Variants in CDC42EP5 observed in about 807,000 individuals in gnomAD.
The protein encoded by CDC42EP5 is CDC42 effector protein 5.
For synonymous variants in CDC42EP5, 118 were observed against 123.3 expected (o/e 0.96, Z 0.28); for missense variants, 269 against 238.0 (o/e 1.13, Z -0.86).
Position 54,465,231 on chromosome 19 carries a change from A to T in CDC42EP5, c.317T>A (p.Val106Asp), listed in dbSNP as rs1248868309. The T allele has an allele frequency of 2.1e-6, 3 of 1,434,000 alleles. No individual in the cohort carries two copies. The African/African-American group carries it at 4.5e-5, about 21-fold the overall frequency. The allele number at this position is 1,434,000 out of a possible 1,614,324, so 88.8% of individuals were successfully genotyped here. The change falls in exon 3 of 3, where the codon GTC becomes GAC. Residue 106 changes from valine to aspartate, a missense_variant. Val to Asp is a radical substitution (Grantham distance 152). Coordinates refer to ENST00000301200, the MANE Select transcript of CDC42EP5 (RefSeq NM_145057.4). ...GPSMLDAVLG[V>D]MDAARPEAAA... The stretch of plus-strand genomic sequence containing the variant: ...CGCCTCCGGGCGCGCCGCGTCCATG[A>T]CGCCCAGCACCGCGTCCAGCATGGA...
chr19:54,469,663 T>C (rs956587313), intron 2 of CDC42EP5, among the ~76,000 whole-genome samples: 1 of 152,244 alleles, frequency 6.6e-6, no homozygotes, highest in Non-Finnish European at 1.5e-5. Context: ...GCACAGGGAA[T>C]GTTCAATTAA....
At chr19:54,469,326 T>G (rs988802581) in intron 2 of CDC42EP5, among the ~76,000 whole-genome samples, 3 of 152,078 alleles carry the variant, frequency 2.0e-5, no homozygotes, top group African/African-American at 7.2e-5. Flanking sequence ...TAATCTATTT[T>G]ATTTTTAAAT....
rs1400923975 is a variant in CDC42EP5 at position 54,471,564 on chromosome 19, G to C, written c.-20C>G. 1 of 152,044 alleles carries C rather than the reference G, an allele frequency of 6.6e-6. No homozygotes were observed. The highest frequency in any genetic ancestry group is 2.4e-5 in the African/African-American group (1 of 41,390). The allele number at this position is 152,044 out of a possible 1,614,324, so 9.4% of individuals were successfully genotyped here. On this transcript the variant is annotated 5_prime_UTR_variant, in exon 2 of 3. Transcript: ENST00000301200. Reference sequence around the variant, plus strand: ...CCTTACCTCGCGGTCCTCCCAGAGCGGGGCGGGCGCGCGCTCACGACTCCA... The same window carrying C: ...CCTTACCTCGCGGTCCTCCCAGAGCCGGGCGGGCGCGCGCTCACGACTCCA...
rs753994637 is a variant in CDC42EP5, at chr19:54,468,920, C to CTTCCTTCCTTCTTTCTTTCTTTCT, written c.-1+2624_-1+2625insAGAAAGAAAGAAAGAAGGAAGGAA. The stretch of plus-strand genomic sequence containing the variant: ...CCTTCCTTCCTTCCTTCCTTCCTTC[C>CTTCCTTCCTTCTTTCTTTCTTTCT]TTCTTTCTTTCTTTTCTTCCCTCCC... On this transcript the variant is annotated intron_variant, in intron 2 of 2. Transcript: ENST00000301200. Among the ~76,000 whole-genome samples the CTTCCTTCCTTCTTTCTTTCTTTCT allele has an allele frequency of 4.9e-3, 613 of 123,942 alleles. 14 individuals carry two copies. The highest frequency in any genetic ancestry group is 0.015 in the Middle Eastern group (4 of 260). 81.3% of individuals were successfully genotyped at this position (123,942 alleles called of 152,430 possible). A position where few individuals can be genotyped will look rare whatever the true frequency, so the allele number is the denominator to read the frequency against.
chr19:54,468,247 G>A (rs752790385), intron 2 of CDC42EP5, among the ~76,000 whole-genome samples: 11 of 152,084 alleles, frequency 7.2e-5, no homozygotes, highest in Non-Finnish European at 1.2e-4. Flanking sequence ...TGTTTTCACC[G>A]TAACAGGCAC....
intron 2 of CDC42EP5, among the ~76,000 whole-genome samples, chr19:54,466,954 C>T (rs1200364076): frequency 4.2e-5 from 5 of 119,518 alleles, no homozygotes; most frequent in Admixed American, 9.2e-5. Context: ...TTTTTTGAGA[C>T]GCTAATTTTT....
chr19:54,465,574 CG>C, intron 2 of CDC42EP5, 27 bp from the exon 3 acceptor site: 1 of 1,446,076 alleles, frequency 6.9e-7, no homozygotes, highest in Non-Finnish European at 9.0e-7. Context: ...AGGGTCAGCG[CG>C]GCCCCAGCCC....
At chr19:54,469,814 ACT>A (rs1425403935) in intron 2 of CDC42EP5, among the ~76,000 whole-genome samples, 1 of 150,704 alleles carries the variant, frequency 6.6e-6, no homozygotes, top group East Asian at 2.0e-4. Context: ...GGCTGCCTCC[ACT>A]CTCTGCTGCC....
At chr19:54,472,756 G>T (rs2084862835) in intron 1 of CDC42EP5, among the ~76,000 whole-genome samples, 1 of 64,780 alleles carries the variant, frequency 1.5e-5, no homozygotes, top group East Asian at 5.4e-4. Flanking sequence ...CTCAGACCCA[G>T]GAGTCCAGAC....
At chr19:54,465,583 C>G in intron 2 of CDC42EP5, 36 bp from the exon 3 acceptor site, 1 of 1,422,608 alleles carries the variant, frequency 7.0e-7, no homozygotes. Context: ...GCGGCCCCAG[C>G]CCGGGGCTCG....
In CDC42EP5 at chr19:54,465,147, C is replaced by T. The variant is rs1569321506; in HGVS notation, c.401G>A (p.Cys134Tyr). The T allele has an allele frequency of 1.4e-6, 2 of 1,398,492 alleles. No individual in the cohort carries two copies. Among genetic ancestry groups the T allele is most frequent in the Non-Finnish European group, 1.8e-6 (2 of 1,084,050 alleles). 86.6% of individuals were successfully genotyped at this position (1,398,492 alleles called of 1,614,324 possible). A position where few individuals can be genotyped will look rare whatever the true frequency, so the allele number is the denominator to read the frequency against. Residue 134 changes from cysteine (C) to tyrosine (Y), a missense_variant, in exon 3 of 3, where the codon TGC becomes TAC. Cys to Tyr is a radical substitution (Grantham distance 194, BLOSUM62 -2). Transcript: ENST00000301200. Reference sequence around the variant, plus strand: ...CAGCTCGAGGTCCGCGTTGGGGCGGCAGCGGGCCTGGGGGGGCTGCGTCCC... The same window carrying T: ...CAGCTCGAGGTCCGCGTTGGGGCGGTAGCGGGCCTGGGGGGGCTGCGTCCC... ...RPGTQPPQAR[C>Y]RPNADLELND...
intron 2 of CDC42EP5, among the ~76,000 whole-genome samples, chr19:54,466,067 A>G (rs1015095323): frequency 4.6e-5 from 7 of 152,202 alleles, no homozygotes; most frequent in African/African-American, 1.7e-4. Flanking sequence ...CTGAGAGCGA[A>G]TACTTGAGCC....
At chr19:54,472,490 C>T (rs1335155753) in intron 1 of CDC42EP5, among the ~76,000 whole-genome samples, 4 of 86,538 alleles carry the variant, frequency 4.6e-5, no homozygotes, top group Non-Finnish European at 6.9e-5. Context: ...TCCCTCAGAC[C>T]CAGGAGTCCA....
rs750204751 is a variant in CDC42EP5, at chr19:54,465,443, G to A, written c.105C>T (p.His35=). ...APLGDFRHTL[H]VGRGGDAFGD... Reference sequence around the variant, plus strand: ...CGAAGGCGTCGCCGCCGCGCCCCACGTGCAGCGTGTGCCGGAAGTCGCCGA... The same window carrying A: ...CGAAGGCGTCGCCGCCGCGCCCCACATGCAGCGTGTGCCGGAAGTCGCCGA... The change falls in exon 3 of 3, where the codon CAC becomes CAT. Residue 35 remains histidine, a synonymous_variant. Transcript: ENST00000301200. 1 of 1,509,290 alleles carries A rather than the reference G, an allele frequency of 6.6e-7. No homozygotes were observed. 93.5% of individuals were successfully genotyped at this position (1,509,290 alleles called of 1,614,324 possible). A position where few individuals can be genotyped will look rare whatever the true frequency, so the allele number is the denominator to read the frequency against.
In CDC42EP5 at chr19:54,465,356, G is replaced by A. The variant is rs1180881725; in HGVS notation, c.192C>T (p.Pro64=). The A allele has an allele frequency of 1.2e-4, 141 of 1,158,980 alleles. 1 individual carries two copies. Among genetic ancestry groups the A allele is most frequent in the Non-Finnish European group, 1.2e-4 (115 of 941,342 alleles). 71.8% of individuals were successfully genotyped at this position (1,158,980 alleles called of 1,614,324 possible). A position where few individuals can be genotyped will look rare whatever the true frequency, so the allele number is the denominator to read the frequency against. ...GGPPPEPRAP[P]AGAPRSPPPP... ...GCGGCGGGGAGCGCGGGGCCCCCGC[G>A]GGGGGCGCCCGGGGCTCGGGGGGCG... is the stretch of plus-strand genomic sequence containing the variant. The change falls in exon 3 of 3, where the codon CCC becomes CCT. Residue 64 remains proline, a synonymous_variant. Transcript: ENST00000301200.
chr19:54,471,107 C>T (rs1250349309), intron 2 of CDC42EP5, among the ~76,000 whole-genome samples: 1 of 152,206 alleles, frequency 6.6e-6, no homozygotes, highest in Non-Finnish European at 1.5e-5. Flanking sequence ...AAGTCCCTCA[C>T]GCTGCCAGGG....
chr19:54,470,444 A>G (rs1170893971), intron 2 of CDC42EP5, among the ~76,000 whole-genome samples: 1 of 150,090 alleles, frequency 6.7e-6, no homozygotes, highest in South Asian at 2.1e-4. Flanking sequence ...AGAGGGAGGG[A>G]AAAAAGGAAG....
chr19:54,467,763 T>A (rs1332403886), intron 2 of CDC42EP5, among the ~76,000 whole-genome samples: 1 of 152,124 alleles, frequency 6.6e-6, no homozygotes, highest in Non-Finnish European at 1.5e-5. Context: ...CTTCAGGTGA[T>A]CCGCCTGCCT....
At chr19:54,469,641 A>C (rs1179009196) in intron 2 of CDC42EP5, among the ~76,000 whole-genome samples, 2 of 152,226 alleles carry the variant, frequency 1.3e-5, no homozygotes, top group Non-Finnish European at 2.9e-5. Context: ...AAGTCTTGGC[A>C]CAGTGCCCAG....
Sources: gnomAD v4.1 joint callset for allele counts (sites outside exome capture counted in the v4.1 genomes callset) on GRCh38, gnomAD v4.1.1 for gene constraint, MANE v1.5 for transcripts, NCBI Gene and HGNC (gene_info 2026-07-23, HGNC 2026-07-21) for gene names.